WWC2: variants seen among roughly 807,000 people sequenced by gnomAD.
The protein encoded by WWC2 is protein WWC2.
In WWC2, 101 loss-of-function variants were observed where a neutral mutation model predicts 138.5. The observed-to-expected ratio is 0.73, with a 90% CI of 0.62 to 0.86. The LOEUF is 0.86. Ranked by LOEUF, WWC2 falls within the 40% of genes least tolerant of loss-of-function variation. WWC2 has a pLI of 0.00. For synonymous variants in WWC2, 558 were observed against 538.4 expected (o/e 1.04, Z -0.50); for missense variants, 1,420 against 1,419.4 (o/e 1.00, Z -0.01).
intron 1 of WWC2, among the ~76,000 whole-genome samples, chr4:183,190,864 CTTCCTA>C (rs1270277130): frequency 2.0e-5 from 3 of 152,202 alleles, no homozygotes; most frequent in African/African-American, 7.2e-5. Flanking sequence ...GCTTTTATAA[CTTCCTA>C]TTCTTAAAGT....
chr4:183,262,794 G>A (rs970634875), intron 11 of WWC2, among the ~76,000 whole-genome samples: 8 of 151,218 alleles, frequency 5.3e-5, no homozygotes, highest in African/African-American at 1.7e-4. Flanking sequence ...GTGCGTGCGT[G>A]TGTGTGTGTG....
Position 183,175,233 on chromosome 4 carries a change from T to C in WWC2, c.132-18366T>C, listed in dbSNP as rs1294054152. Among the ~76,000 whole-genome samples the C allele has an allele frequency of 5.3e-5, 8 of 152,278 alleles. No individual in the cohort carries two copies. In the South Asian group the frequency reaches 1.7e-3, roughly 32 times the overall value. On this transcript the variant is annotated intron_variant, in intron 1 of 22. Transcript: ENST00000403733. ...CATCTGACATCTAGCATAAATTATATAGTTTCAAAATTTCTTATTTATTTA... is the reference window on the plus strand; with the variant it reads ...CATCTGACATCTAGCATAAATTATACAGTTTCAAAATTTCTTATTTATTTA...
At chr4:183,285,210 C>G (rs1276659820) in intron 19 of WWC2, among the ~76,000 whole-genome samples, 1 of 152,030 alleles carries the variant, frequency 6.6e-6, no homozygotes, top group Non-Finnish European at 1.5e-5. Flanking sequence ...GGGGGTGATA[C>G]GCAGGATTCA....
intron 1 of WWC2, among the ~76,000 whole-genome samples, chr4:183,170,778 A>C (rs1342902750): frequency 6.6e-6 from 1 of 151,896 alleles, no homozygotes; most frequent in African/African-American, 2.4e-5. Flanking sequence ...GCTTACTATA[A>C]CCTTGAACTC....
chr4:183,269,069 T>G lies in WWC2; in HGVS notation c.2306T>G (p.Val769Gly). The change falls in exon 15 of 23, where the codon GTG becomes GGG. Residue 769 changes from valine (V) to glycine (G), a missense_variant. Transcript: ENST00000403733. ...ACAGAATCCATTTTATTCAATGATG[T>G]GTTCAGAGTCGCCATTTCCCAAACA... ...PPTESILFND[V>G]FRVAISQTAL... 1 of 1,613,994 alleles carries G rather than the reference T, an allele frequency of 6.2e-7. No homozygotes were observed. The highest frequency in any genetic ancestry group is 8.5e-7 in the Non-Finnish European group (1 of 1,179,888).
chr4:183,202,371 A>G (rs1735325574), intron 2 of WWC2, among the ~76,000 whole-genome samples: 1 of 152,232 alleles, frequency 6.6e-6, no homozygotes, highest in Non-Finnish European at 1.5e-5. Context: ...CCAGACAGCA[A>G]GGCCCCCAAG....
chr4:183,099,888 A>G (rs540828029), intron 1 of WWC2, among the ~76,000 whole-genome samples: 1 of 152,250 alleles, frequency 6.6e-6, no homozygotes, highest in Non-Finnish European at 1.5e-5. Context: ...GCGCCAGGCT[A>G]ACGGACCCGA....
chr4:183,299,154 G>A (rs139181571), intron 21 of WWC2, among the ~76,000 whole-genome samples: 131 of 152,240 alleles, frequency 8.6e-4, no homozygotes, highest in African/African-American at 2.7e-3. Context: ...ATGGTGGAGG[G>A]TAGGAGGCAG....
intron 9 of WWC2, among the ~76,000 whole-genome samples, chr4:183,256,090 G>A (rs1377056089): frequency 6.6e-6 from 1 of 152,120 alleles, no homozygotes; most frequent in East Asian, 1.9e-4. Flanking sequence ...AGGGAAACAT[G>A]TATTTTATAT....
intron 4 of WWC2, among the ~76,000 whole-genome samples, chr4:183,220,018 T>C (rs1484392983): frequency 2.0e-5 from 3 of 152,160 alleles, no homozygotes; most frequent in Non-Finnish European, 4.4e-5. Flanking sequence ...GGACATTAGA[T>C]GTCAAAGCAT....
At chr4:183,107,948 A>G (rs1287895008) in intron 1 of WWC2, among the ~76,000 whole-genome samples, 1 of 152,036 alleles carries the variant, frequency 6.6e-6, no homozygotes, top group African/African-American at 2.4e-5. Flanking sequence ...GTTTAAGGGT[A>G]CCTTCTTCCT....
At chr4:183,221,475 G>A (rs1735936076) in intron 4 of WWC2, among the ~76,000 whole-genome samples, 1 of 152,186 alleles carries the variant, frequency 6.6e-6, no homozygotes, top group Admixed American at 6.5e-5. Flanking sequence ...AGTGCACACG[G>A]AACATCACAA....
intron 1 of WWC2, among the ~76,000 whole-genome samples, chr4:183,168,178 C>CTTTCTTT (rs1554068905): frequency 1.4e-5 from 2 of 138,788 alleles, no homozygotes; most frequent in Non-Finnish European, 3.1e-5. Context: ...TCTTTTCTTT[C>CTTTCTTT]TTTTTTTTTT....
intron 4 of WWC2, among the ~76,000 whole-genome samples, chr4:183,222,158 G>A (rs549923903): frequency 2.0e-5 from 3 of 152,290 alleles, no homozygotes; most frequent in Non-Finnish European, 4.4e-5. Flanking sequence ...AAAGAGGCGT[G>A]AGGAAATATT....
chr4:183,104,578 C>G (rs1488854881), intron 1 of WWC2, among the ~76,000 whole-genome samples: 2 of 152,150 alleles, frequency 1.3e-5, no homozygotes, highest in Non-Finnish European at 2.9e-5. Context: ...AATTGTTCCT[C>G]TCCAGCAGGC....
At chr4:183,312,618 C>G in intron 22 of WWC2, 150 bp downstream of exon 22, 5 of 1,232,606 alleles carry the variant, frequency 4.1e-6, no homozygotes, top group Non-Finnish European at 5.5e-6. Flanking sequence ...CCATTTGCAC[C>G]TGAGGTGATA....
chr4:183,161,391 A>G (rs935252572), intron 1 of WWC2, among the ~76,000 whole-genome samples: 1 of 152,228 alleles, frequency 6.6e-6, no homozygotes, highest in Non-Finnish European at 1.5e-5. Context: ...GCATTTCTGT[A>G]GCTGAATTTT....
At chr4:183,125,504 A>G (rs907992696) in intron 1 of WWC2, among the ~76,000 whole-genome samples, 3 of 152,238 alleles carry the variant, frequency 2.0e-5, no homozygotes, top group African/African-American at 7.2e-5. Flanking sequence ...GATTTAAGCC[A>G]GTTGTGTACG....
intron 21 of WWC2, among the ~76,000 whole-genome samples, chr4:183,307,957 G>A (rs1209726373): frequency 6.6e-6 from 1 of 152,112 alleles, no homozygotes; most frequent in African/African-American, 2.4e-5. Context: ...GTCCATGTAG[G>A]CAACCTGAAA....
Sources: gnomAD v4.1 joint callset for allele counts (sites outside exome capture counted in the v4.1 genomes callset) on GRCh38, gnomAD v4.1.1 for gene constraint, MANE v1.5 for transcripts, NCBI Gene and HGNC (gene_info 2026-07-23, HGNC 2026-07-21) for gene names.